WHRN: variants seen among roughly 807,000 people sequenced by gnomAD.
WHRN encodes whirlin.
Under a neutral mutation model 68.3 loss-of-function variants are expected in WHRN, and 41 were observed. That is an observed-to-expected ratio of 0.60 (90% CI 0.47 to 0.78). The LOEUF is 0.78. WHRN is among the 30% of genes least tolerant of loss of function. WHRN has a pLI of 0.00. For missense variants in WHRN, 1,243 were observed against 1,244.7 expected (o/e 1.00, Z 0.02); for synonymous variants, 560 against 561.3 (o/e 1.00, Z 0.03).
chr9:114,403,458 G>A (rs954489881), intron 10 of WHRN, 119 bp from the exon 11 acceptor site: 8 of 1,328,114 alleles, frequency 6.0e-6, no homozygotes, highest in East Asian at 2.3e-5. Context: ...GCCCTGTGTC[G>A]GGAGCCTCAG....
At chr9:114,479,031 C>T (rs1480165733) in intron 1 of WHRN, among the ~76,000 whole-genome samples, 2 of 152,184 alleles carry the variant, frequency 1.3e-5, no homozygotes, top group African/African-American at 4.8e-5. Flanking sequence ...GCATTGCAGG[C>T]CTGACACTGT....
chr9:114,484,463 C>G lies in WHRN; in HGVS notation c.619-5692G>C, dbSNP rs371239578. ...AAAATGAAGATCACCATTCTCCTTT[C>G]TCTTTACTTAGAGGAGCCCTATTAG... is the stretch of plus-strand genomic sequence containing the variant. On this transcript the variant is annotated intron_variant, in intron 1 of 11. Transcript: ENST00000362057. 4.5e-4 allele frequency among the ~76,000 whole-genome samples: 68 copies of G among 152,368 alleles called. 4 individuals are homozygous for G. Among genetic ancestry groups the G allele is most frequent in the African/African-American group, 1.6e-3 (68 of 41,586 alleles).
Position 114,505,416 on chromosome 9 carries a change from G to A in WHRN, c.-615C>T, listed in dbSNP as rs1256124668. On this transcript the variant is annotated 5_prime_UTR_variant, in exon 1 of 12. Transcript: ENST00000362057. ...CCGCCCGGGGAGCCTCCGCGCCTCT[G>A]CGCCGCCCGGCCGCAAGCCCGGACT... 4 of 151,196 alleles carry A rather than the reference G, an allele frequency of 2.6e-5. No individual in the cohort carries two copies. The highest frequency in any genetic ancestry group is 9.7e-5 in the African/African-American group (4 of 41,200). The allele number at this position is 151,196 out of a possible 1,614,324, so 9.4% of individuals were successfully genotyped here.
rs1351660656 is a variant in WHRN, at chr9:114,426,233, C to G, written c.1144G>C (p.Glu382Gln). ...TKWIASSRIR[E>Q]TMANSAGFLG... ...GACCCTGCCGAGTTCGCCATGGTCT[C>G]CCTGATCCGGGAACTGGCGATCCAC... is the stretch of plus-strand genomic sequence containing the variant. Residue 382 changes from glutamate (E) to glutamine (Q), a missense_variant, in exon 4 of 12, where the codon GAG (glutamate) becomes CAG (glutamine). Coordinates refer to ENST00000362057, the MANE Select transcript of WHRN (RefSeq NM_015404.4). The G allele has an allele frequency of 6.2e-7, 1 of 1,612,486 alleles. No individual in the cohort carries two copies. Among genetic ancestry groups the G allele is most frequent in the South Asian group, 1.1e-5 (1 of 91,008 alleles).
chr9:114,485,927 T>G (rs2133224276), intron 1 of WHRN, among the ~76,000 whole-genome samples: 1 of 152,222 alleles, frequency 6.6e-6, no homozygotes. Flanking sequence ...GTTGGGAGGT[T>G]TGCTTGAGCC....
chr9:114,496,100 T>C (rs1467573492), intron 1 of WHRN, among the ~76,000 whole-genome samples: 1 of 152,196 alleles, frequency 6.6e-6, no homozygotes, highest in Non-Finnish European at 1.5e-5. Flanking sequence ...TCACCTGCAT[T>C]AATTGCTTTA....
intron 1 of WHRN, among the ~76,000 whole-genome samples, chr9:114,496,935 T>C (rs1019826713): frequency 6.6e-5 from 10 of 152,190 alleles, no homozygotes; most frequent in African/African-American, 2.4e-4. Context: ...GGTTCACCTC[T>C]CTGGTCAAGC....
intron 2 of WHRN, among the ~76,000 whole-genome samples, chr9:114,468,179 C>A (rs1840887376): frequency 6.6e-6 from 1 of 152,140 alleles, no homozygotes; most frequent in Non-Finnish European, 1.5e-5. Flanking sequence ...ATCTGCCTGT[C>A]TTATAAGGTT....
intron 3 of WHRN, among the ~76,000 whole-genome samples, chr9:114,453,725 T>C (rs7852460): frequency 0.75 from 114,031 of 152,084 alleles, 42,911 homozygotes; most frequent in East Asian, 0.96. Flanking sequence ...ATCCTATATA[T>C]TACATGTCCA....
At chr9:114,420,069 C>T (rs572878584) in intron 7 of WHRN, among the ~76,000 whole-genome samples, 4 of 152,268 alleles carry the variant, frequency 2.6e-5, no homozygotes, top group South Asian at 2.1e-4. Context: ...AGCAGCCGCT[C>T]CTGGGGAGGA....
chr9:114,488,715 G>A (rs909412075), intron 1 of WHRN, among the ~76,000 whole-genome samples: 2 of 152,152 alleles, frequency 1.3e-5, no homozygotes, highest in Non-Finnish European at 2.9e-5. Flanking sequence ...TGCGGACTCT[G>A]CCCCAGTAGC....
chr9:114,440,150 T>G (rs1032945586), intron 3 of WHRN, among the ~76,000 whole-genome samples: 1 of 152,222 alleles, frequency 6.6e-6, no homozygotes, highest in Non-Finnish European at 1.5e-5. Context: ...TGACCTCAAG[T>G]GATCCGCCCA....
At chr9:114,412,481 G>T (rs1835517942) in intron 7 of WHRN, among the ~76,000 whole-genome samples, 1 of 152,182 alleles carries the variant, frequency 6.6e-6, no homozygotes, top group South Asian at 2.1e-4. Flanking sequence ...TACAGCTGAG[G>T]TGACTGAAGA....
At chr9:114,442,232 G>T (rs79161948) in intron 3 of WHRN, among the ~76,000 whole-genome samples, 2 of 152,204 alleles carry the variant, frequency 1.3e-5, no homozygotes, top group Non-Finnish European at 2.9e-5. Flanking sequence ...GGAGCAGAAA[G>T]AATTGCTACA....
At chr9:114,440,430 G>T (rs997284858) in intron 3 of WHRN, among the ~76,000 whole-genome samples, 7 of 151,816 alleles carry the variant, frequency 4.6e-5, no homozygotes, top group African/African-American at 1.7e-4. Flanking sequence ...GTGGAGATGG[G>T]GTTTCACCAT....
chr9:114,487,190 T>TC (rs1842623935), intron 1 of WHRN, among the ~76,000 whole-genome samples: 1 of 95,102 alleles, frequency 1.1e-5, no homozygotes. Context: ...AAAAAAAAAT[T>TC]TTTTTTTTTT....
chr9:114,441,352 T>C (rs7853516), intron 3 of WHRN, among the ~76,000 whole-genome samples: 94,009 of 152,070 alleles, frequency 0.62, 31,142 homozygotes, highest in Middle Eastern at 0.75. Context: ...GGTGACTGTA[T>C]GTACAAATGC....
chr9:114,493,233 C>G (rs1307047016), intron 1 of WHRN, among the ~76,000 whole-genome samples: 8 of 151,650 alleles, frequency 5.3e-5, no homozygotes, highest in African/African-American at 1.7e-4. Flanking sequence ...CACCTGTAGT[C>G]CCAGCTACTT....
chr9:114,477,624 C>T (rs753744864), intron 2 of WHRN, among the ~76,000 whole-genome samples: 20 of 152,136 alleles, frequency 1.3e-4, no homozygotes, highest in Admixed American at 4.6e-4. Context: ...CCTGCCAGCC[C>T]GTGAGGTGCT....
Sources: gnomAD v4.1 joint callset for allele counts (sites outside exome capture counted in the v4.1 genomes callset) on GRCh38, gnomAD v4.1.1 for gene constraint, MANE v1.5 for transcripts, NCBI Gene and HGNC (gene_info 2026-07-23, HGNC 2026-07-21) for gene names.